Variants in MCF2 observed in about 807,000 individuals in gnomAD.
MCF2 encodes MCF.2 cell line derived transforming sequence.
Under a neutral mutation model 82.5 loss-of-function variants are expected in MCF2, and 44 were observed. The observed-to-expected ratio is 0.53, with a 90% CI of 0.42 to 0.69. The LOEUF is 0.69. MCF2 is among the 30% of genes least tolerant of loss of function. The pLI, the probability that MCF2 is intolerant of heterozygous loss-of-function variation, is 0.00. For missense variants in MCF2, 623 were observed against 663.1 expected (o/e 0.94, Z 0.66); for synonymous variants, 217 against 224.9 (o/e 0.96, Z 0.32).
rs753823165 is a variant in MCF2, at chrX:139,670,922, CCCA to C, written c.-44-19137_-44-19135del. Among the ~76,000 whole-genome samples, 88 of 111,919 alleles carry C rather than the reference CCCA, an allele frequency of 7.9e-4. 1 individual carries two copies. The South Asian group carries it at 0.032, about 41-fold the overall frequency. ...CACAATGGTTGAAGTAGTTTACACTCCCACCAACAGTGTAAAAGTGTTCCTATT... is the reference window on the plus strand; with the variant it reads ...CACAATGGTTGAAGTAGTTTACACTCCCAACAGTGTAAAAGTGTTCCTATT... On this transcript the variant is annotated intron_variant, in intron 1 of 27. Coordinates refer to the MCF2 transcript ENST00000414978.
chrX:139,699,545 A>ATT (rs1372944990), intron 1 of MCF2, among the ~76,000 whole-genome samples: 2 of 111,632 alleles, frequency 1.8e-5, no homozygotes, highest in Non-Finnish European at 3.8e-5. Context: ...CCACTAATCT[A>ATT]TTTTCTGTCT....
At chrX:139,624,271 T>C (rs948019320) in intron 6 of MCF2, among the ~76,000 whole-genome samples, 11 of 111,496 alleles carry the variant, frequency 9.9e-5, no homozygotes, top group African/African-American at 3.6e-4. Context: ...TGAGTCCTTA[T>C]AGCTCATGCC....
rs1218096493 is a variant in MCF2 at position 139,585,055 on chromosome X, T to C, written c.2745+11A>G. The C allele has an allele frequency of 7.2e-6, 8 of 1,117,023 alleles. No homozygotes were observed. Among genetic ancestry groups the C allele is most frequent in the Non-Finnish European group, 8.6e-6 (7 of 818,334 alleles). The allele number at this position is 1,117,023 out of a possible 1,213,427, so 92.1% of individuals were successfully genotyped here. A position where few individuals can be genotyped will look rare whatever the true frequency, so the allele number is the denominator to read the frequency against. ...GCCTCAATAATTTTAATTTACTATA[T>C]TATTACTAACCATGAGGGGCCTATT... On this transcript the variant is annotated intron_variant, in intron 24 of 24. Transcript: ENST00000370576.
exon 14 of MCF2, chrX:139,604,913 G>T: frequency 3.3e-6 from 4 of 1,201,797 alleles, no homozygotes; most frequent in Non-Finnish European, 4.5e-6. Flanking sequence ...CAAAGAGAAT[G>T]TCCTTTTTAT....
At chrX:139,674,417 C>T (rs1335681539) in intron 1 of MCF2, among the ~76,000 whole-genome samples, 1 of 111,746 alleles carries the variant, frequency 8.9e-6, no homozygotes, top group Non-Finnish European at 1.9e-5. Flanking sequence ...TTCCTAGCAT[C>T]GATGGTCTTT....
Position 139,629,602 on chromosome X carries a change from C to A in MCF2, c.438+93G>T, listed in dbSNP as rs1569368713. The A allele has an allele frequency of 5.0e-6, 4 of 808,071 alleles. No individual in the cohort carries two copies. The African/African-American group carries it at 8.5e-5, about 17-fold the overall frequency. 66.6% of individuals were successfully genotyped at this position (808,071 alleles called of 1,213,427 possible). ...ATTACATAAATGTCTTTTATCTCCC[C>A]TTATGCAACAGTCAGTGTAAAATGG... On this transcript the variant is annotated intron_variant, in intron 4 of 24. Transcript: ENST00000370576.
chrX:139,597,165 G>A (rs763766118), intron 18 of MCF2, among the ~76,000 whole-genome samples: 6 of 110,992 alleles, frequency 5.4e-5, no homozygotes, highest in Non-Finnish European at 1.1e-4. Context: ...ATCTACAGGG[G>A]CAAGCAGCAA....
Position 139,626,824 on chromosome X carries a change from A to G in MCF2, c.439-68T>C, listed in dbSNP as rs905325970. 3 of 927,347 alleles carry G rather than the reference A, an allele frequency of 3.2e-6. No individual in the cohort carries two copies. The Admixed American group carries it at 7.2e-5, about 22-fold the overall frequency. 76.4% of individuals were successfully genotyped at this position (927,347 alleles called of 1,213,427 possible). ...AACCTGAATGATGTGATGGGAAGGG[A>G]GCATACAACTATGGCATGAAGAATC... On this transcript the variant is annotated intron_variant, in intron 4 of 24. Coordinates refer to ENST00000370576, the Ensembl canonical transcript of MCF2.
chrX:139,634,174 A>G (rs1468328286), intron 1 of MCF2, among the ~76,000 whole-genome samples: 6 of 111,930 alleles, frequency 5.4e-5, no homozygotes, highest in African/African-American at 1.9e-4. Flanking sequence ...AGGAGCCATC[A>G]GCCTCAAGAT....
chrX:139,655,653 A>C (rs1376877269), intron 1 of MCF2, among the ~76,000 whole-genome samples: 1 of 110,876 alleles, frequency 9.0e-6, no homozygotes, highest in East Asian at 2.8e-4. Context: ...TATTTCTCCT[A>C]ATGTTATCCC....
intron 1 of MCF2, among the ~76,000 whole-genome samples, chrX:139,635,454 G>A (rs972376293): frequency 2.7e-5 from 3 of 111,015 alleles, no homozygotes; most frequent in South Asian, 3.8e-4. Context: ...CCAGGAGTTC[G>A]AGACCAGCCT....
intron 1 of MCF2, among the ~76,000 whole-genome samples, chrX:139,678,052 A>G (rs553047994): frequency 2.7e-5 from 3 of 111,407 alleles, no homozygotes; most frequent in Middle Eastern, 4.6e-3. Context: ...AGTCCCAGCT[A>G]CTGGGTAGGC....
intron 1 of MCF2, among the ~76,000 whole-genome samples, chrX:139,657,999 T>C (rs929547551): frequency 9.0e-6 from 1 of 111,509 alleles, no homozygotes; most frequent in Non-Finnish European, 1.9e-5. Context: ...ATCAAGCATA[T>C]AGTTGACTGG....
intron 1 of MCF2, among the ~76,000 whole-genome samples, chrX:139,690,442 AT>A (rs1277605212): frequency 1.0e-4 from 11 of 105,855 alleles, no homozygotes; most frequent in African/African-American, 2.8e-4. Flanking sequence ...TTTCAGCAAG[AT>A]TTTTTTTTGT....
intron 1 of MCF2, among the ~76,000 whole-genome samples, chrX:139,638,456 A>G (rs1933364973): frequency 9.0e-6 from 1 of 111,551 alleles, no homozygotes; most frequent in Non-Finnish European, 1.9e-5. Context: ...TACTCCTCCT[A>G]TATGACGAGG....
chrX:139,643,383 T>C (rs868120126), upstream of MCF2, among the ~76,000 whole-genome samples: 10 of 112,018 alleles, frequency 8.9e-5, no homozygotes, highest in Middle Eastern at 4.6e-3. Context: ...TGCCAACTTT[T>C]GCACTTGAAA....
chrX:139,638,212 T>C (rs1417333973), intron 1 of MCF2, among the ~76,000 whole-genome samples: 1 of 111,634 alleles, frequency 9.0e-6, no homozygotes, highest in Admixed American at 9.6e-5. Flanking sequence ...AGCACATAAG[T>C]AGCAGAATTA....
At chrX:139,691,318 T>C (rs1266199875) in intron 1 of MCF2, among the ~76,000 whole-genome samples, 1 of 111,072 alleles carries the variant, frequency 9.0e-6, no homozygotes, top group Non-Finnish European at 1.9e-5. Flanking sequence ...CGAACCTGAG[T>C]GCCTTTTTGA....
chrX:139,706,356 A>G (rs1935589294), intron 1 of MCF2, among the ~76,000 whole-genome samples: 1 of 112,625 alleles, frequency 8.9e-6, no homozygotes, highest in Non-Finnish European at 1.9e-5. Flanking sequence ...AATGTGCTAC[A>G]TATACATTAT....
Sources: gnomAD v4.1 joint callset for allele counts (sites outside exome capture counted in the v4.1 genomes callset) on GRCh38, gnomAD v4.1.1 for gene constraint, MANE v1.5 for transcripts, NCBI Gene and HGNC (gene_info 2026-07-23, HGNC 2026-07-21) for gene names.